Variants in SLC12A5 observed in about 807,000 individuals in gnomAD.
SLC12A5 encodes solute carrier family 12 member 5, also known as K-Cl cotransporter 2.
In SLC12A5, 18 loss-of-function variants were observed where a neutral mutation model predicts 124.0. The observed-to-expected ratio is 0.15, with a 90% confidence interval of 0.10 to 0.22. The LOEUF (loss-of-function observed/expected upper bound fraction) is 0.22. Ranked by LOEUF, SLC12A5 falls within the 10% of genes least tolerant of loss-of-function variation. The pLI, the probability that SLC12A5 is intolerant of heterozygous loss-of-function variation, is 1.00. For synonymous variants in SLC12A5, 589 were observed against 568.0 expected, an observed-to-expected ratio of 1.04 and a Z score of -0.53; for missense variants, 867 against 1,478.7, an observed-to-expected ratio of 0.59 and a Z score of 6.78.
At chr20:46,022,146 A>C in intron 1 of SLC12A5, 2 of 309,292 alleles carry the variant, frequency 6.5e-6, no homozygotes, top group East Asian at 6.8e-5. Context: ...AGGGGTTTGG[A>C]CGGAGGCGAA....
At chr20:46,028,792 CT>C (rs965171985), upstream of SLC12A5, among the ~76,000 whole-genome samples, 3 of 152,168 alleles carry the variant, frequency 2.0e-5, no homozygotes, top group African/African-American at 7.2e-5. Flanking sequence ...TATCTTCCCC[CT>C]GGGGGTTACC....
chr20:46,057,278 C>T lies in SLC12A5; in HGVS notation c.3234C>T (p.Pro1078=), dbSNP rs753550050. The T allele has an allele frequency of 2.5e-6, 4 of 1,614,198 alleles. No individual in the cohort carries two copies. In the South Asian group the frequency reaches 4.4e-5, roughly 18 times the overall value. Residue 1078 remains proline (P), a synonymous_variant, in exon 25 of 26, where the codon CCC becomes CCT. Coordinates refer to ENST00000243964, the MANE Select transcript of SLC12A5 (RefSeq NM_020708.5). The surrounding 1 kb of genome is among the most constrained non-coding windows in gnomAD (Gnocchi z 7.1). ...KLVLLNMPGP[P]RNRNGDENYM... ...TTTTGCTCAACATGCCTGGGCCTCC[C>T]CGCAACCGCAATGGTGATGAAAACT...
chr20:46,043,086 C>T, intron 8 of SLC12A5, 67 bp from the exon 9 acceptor site: 2 of 1,543,998 alleles, frequency 1.3e-6, no homozygotes, highest in Middle Eastern at 1.8e-4. Flanking sequence ...CCCCCTCCCA[C>T]CTCCTGGTCC....
chr20:46,055,808 G>T, intron 21 of SLC12A5: 1 of 288,998 alleles, frequency 3.5e-6, no homozygotes, highest in Non-Finnish European at 6.6e-6. Context: ...ATCCTCCAAG[G>T]CTGGGAGTGT....
intron 7 of SLC12A5, 71 bp from the exon 8 acceptor site, chr20:46,041,258 C>T (rs2084544435): frequency 4.4e-6 from 6 of 1,355,538 alleles, no homozygotes; most frequent in South Asian, 2.4e-5. Context: ...AAAGGTCTCC[C>T]GGTGGCTGTA....
At chr20:46,033,773 C>T (rs982935258) in intron 1 of SLC12A5, among the ~76,000 whole-genome samples, 5 of 152,176 alleles carry the variant, frequency 3.3e-5, no homozygotes, top group Non-Finnish European at 7.3e-5. Flanking sequence ...TTCCTCTCCC[C>T]CTCCCCAAAC....
In SLC12A5 at chr20:46,029,327, A is replaced by G. The variant is rs939860876; in HGVS notation, c.-18A>G. The G allele has an allele frequency of 6.2e-5, 95 of 1,526,376 alleles. No homozygotes were observed. The highest frequency in any genetic ancestry group is 8.2e-5 in the Non-Finnish European group (93 of 1,134,656). 94.6% of individuals were successfully genotyped at this position (1,526,376 alleles called of 1,614,324 possible). On this transcript the variant is annotated 5_prime_UTR_variant, in exon 1 of 26. Transcript: ENST00000243964. ...GAGGCGGCGCAGCCATCCCCGGACCAGGGGCCGCGCCGCCACCATGCTAAA... is the reference window on the plus strand; with the variant it reads ...GAGGCGGCGCAGCCATCCCCGGACCGGGGGCCGCGCCGCCACCATGCTAAA...
chr20:46,044,031 G>A (rs1047835062), intron 11 of SLC12A5, 98 bp downstream of exon 11: 8 of 1,258,364 alleles, frequency 6.4e-6, no homozygotes, highest in Non-Finnish European at 7.6e-6. Context: ...GGACCTGTGT[G>A]AGGGGCCTGT....
At chr20:46,037,213 A>G (rs1288263284) in intron 5 of SLC12A5, 42 bp from the exon 6 acceptor site, 7 of 1,555,418 alleles carry the variant, frequency 4.5e-6, no homozygotes, top group Middle Eastern at 1.8e-4. Context: ...ACGGCAGCCC[A>G]GTGCCCCCGA....
downstream of SLC12A5, among the ~76,000 whole-genome samples, chr20:46,024,013 G>C (rs1032726207): frequency 9.2e-5 from 14 of 152,114 alleles, no homozygotes; most frequent in African/African-American, 3.4e-4. Context: ...GGTGATTGCT[G>C]TTTTCCCATT....
rs1388235037 is a variant in SLC12A5 at position 46,047,516 on chromosome 20, A to G, written c.1850A>G (p.Tyr617Cys). 2 of 1,613,952 alleles carry G rather than the reference A, an allele frequency of 1.2e-6. No individual in the cohort carries two copies. The highest frequency in any genetic ancestry group is 1.7e-6 in the Non-Finnish European group (2 of 1,179,948). Residue 617 changes from tyrosine to cysteine, a missense_variant, in exon 15 of 26, where the codon TAT (tyrosine) becomes TGT (cysteine). Transcript: ENST00000243964. ...CTCATGTTCATCTGCTCCTGGTATTATGCACTGGTAGCCATGCTCATTGCT... is the reference window on the plus strand; with the variant it reads ...CTCATGTTCATCTGCTCCTGGTATTGTGCACTGGTAGCCATGCTCATTGCT... ...LALMFICSWYYALVAMLIAGL... is the reference protein window; with the variant it reads ...LALMFICSWYCALVAMLIAGL...
rs376096318 is a variant in SLC12A5, at chr20:46,041,579, G to A, written c.1066+39G>A. ...CAAGGGCTGGCATCCAGGGAACGCT[G>A]CAGGGATTGTAGGTTAAGCGGTCAG... On this transcript the variant is annotated intron_variant, in intron 8 of 25. Transcript: ENST00000243964. The A allele has an allele frequency of 4.4e-5, 70 of 1,606,694 alleles. 1 individual carries two copies. In the South Asian group the frequency reaches 5.3e-4, roughly 12 times the overall value.
At position 46,030,415 on chromosome 20, in the gene SLC12A5, G is replaced by T. The variant is rs192791715; in HGVS notation, c.52+1019G>T. On this transcript the variant is annotated intron_variant, in intron 1 of 25. Transcript: ENST00000243964. Reference sequence around the variant, plus strand: ...CCCGCTCTCCCCCGCCCTCCTCCGCGGCTTCCTTGCTCCGAGGTCTTGGGG... The same window carrying T: ...CCCGCTCTCCCCCGCCCTCCTCCGCTGCTTCCTTGCTCCGAGGTCTTGGGG... 4.7e-4 allele frequency among the ~76,000 whole-genome samples: 71 copies of T among 152,108 alleles called. No homozygotes were observed. The East Asian group carries it at 0.013, about 28-fold the overall frequency.
intron 4 of SLC12A5, 46 bp downstream of exon 4, chr20:46,035,969 G>T: frequency 6.3e-7 from 1 of 1,576,182 alleles, no homozygotes; most frequent in Non-Finnish European, 8.7e-7. Context: ...GCTGGGGCTT[G>T]GCAGAGGCCT....
In SLC12A5 at chr20:46,045,254, T is replaced by A; in HGVS notation, c.1569+114T>A. 1 of 1,257,876 alleles carries A rather than the reference T, an allele frequency of 7.9e-7. No homozygotes were observed. The highest frequency in any genetic ancestry group is 1.1e-6 in the Non-Finnish European group (1 of 931,970). The allele number at this position is 1,257,876 out of a possible 1,614,324, so 77.9% of individuals were successfully genotyped here. On this transcript the variant is annotated intron_variant, in intron 12 of 25. Coordinates refer to ENST00000243964, the MANE Select transcript of SLC12A5 (RefSeq NM_020708.5). The surrounding 1 kb of genome is among the most constrained non-coding windows in gnomAD (Gnocchi z 4.9). ...GCCTTAGACTACCTCCTGGGCCACT[T>A]CTGCTCTGTACTGCACTGGCCAGGC...
At chr20:46,041,050 C>G (rs1183830858) in intron 7 of SLC12A5, 1 of 398,372 alleles carries the variant, frequency 2.5e-6, no homozygotes, top group Non-Finnish European at 4.6e-6. Context: ...ATCCACTGCT[C>G]AGAGGTGGAG....
In SLC12A5 at chr20:46,058,414, TGA is replaced by T; in HGVS notation, c.*812_*813del. The T allele has an allele frequency of 2.5e-6, 1 of 398,788 alleles. No homozygotes were observed. Among genetic ancestry groups the T allele is most frequent in the Non-Finnish European group, 4.4e-6 (1 of 226,060 alleles). The allele number at this position is 398,788 out of a possible 1,614,324, so 24.7% of individuals were successfully genotyped here. A position where few individuals can be genotyped will look rare whatever the true frequency, so the allele number is the denominator to read the frequency against. On this transcript the variant is annotated 3_prime_UTR_variant, in exon 26 of 26. Transcript: ENST00000243964. This position sits in a 1 kb window ranked among gnomAD's most constrained non-coding sequence, Gnocchi z 5.8. Reference sequence around the variant, plus strand: ...TCTCCAGTCCTTTTCCGAGATGAGGTGAGACAAGGGTCCAACTTTTCCTGGAT... The same window carrying T: ...TCTCCAGTCCTTTTCCGAGATGAGGTGACAAGGGTCCAACTTTTCCTGGAT...
In SLC12A5 at chr20:46,035,392, C is replaced by T. The variant is rs2084488424; in HGVS notation, c.148-12C>T. ...CCCCCAGCCTCCTAGCACTGACACC[C>T]TCCCTCCATAGGAGGAGATGGACAC... On this transcript the variant is annotated splice_polypyrimidine_tract_variant and intron_variant, in intron 2 of 25. Transcript: ENST00000243964. The T allele has an allele frequency of 1.2e-6, 2 of 1,607,802 alleles. No individual in the cohort carries two copies. Among genetic ancestry groups the T allele is most frequent in the South Asian group, 1.1e-5 (1 of 90,710 alleles).
At position 46,029,293 on chromosome 20, in the gene SLC12A5, G is replaced by A; in HGVS notation, c.-52G>A. On this transcript the variant is annotated 5_prime_UTR_variant, in exon 1 of 26. Coordinates refer to ENST00000243964, the MANE Select transcript of SLC12A5 (RefSeq NM_020708.5). Reference sequence around the variant, plus strand: ...AGAGAGCGGCGAAGGCGGGTAGAGGGGCGCGGGCGAGGCGGCGCAGCCATC... The same window carrying A: ...AGAGAGCGGCGAAGGCGGGTAGAGGAGCGCGGGCGAGGCGGCGCAGCCATC... The A allele has an allele frequency of 6.6e-7, 1 of 1,520,706 alleles. No individual in the cohort carries two copies. The highest frequency in any genetic ancestry group is 8.8e-7 in the Non-Finnish European group (1 of 1,134,412). The allele number at this position is 1,520,706 out of a possible 1,614,324, so 94.2% of individuals were successfully genotyped here.
Sources: gnomAD v4.1 joint callset for allele counts (sites outside exome capture counted in the v4.1 genomes callset) on GRCh38, gnomAD v4.1.1 for gene constraint, Gnocchi (gnomAD v3.1) non-coding constraint, MANE v1.5 for transcripts, NCBI Gene and HGNC (gene_info 2026-07-23, HGNC 2026-07-21) for gene names.